RNF115: variants seen among roughly 807,000 people sequenced by gnomAD.
The protein encoded by RNF115 is E3 ubiquitin-protein ligase RNF115.
A neutral mutation model predicts 39.2 loss-of-function variants in RNF115; 31 were observed. The ratio of observed to expected loss-of-function variants is 0.79; its 90% CI spans 0.59 to 1.07. The LOEUF is 1.07. Among genes scored for constraint, RNF115 ranks in the 50% least tolerant of loss-of-function variants. The pLI, the probability that RNF115 is intolerant of heterozygous loss-of-function variation, is 0.00. For synonymous variants in RNF115, 124 were observed against 131.0 expected (o/e 0.95, Z 0.37); for missense variants, 384 against 381.7 (o/e 1.01, Z -0.05).
chr1:145,823,433 C>T (rs1341739161), intron 1 of RNF115, among the ~76,000 whole-genome samples: 1 of 143,920 alleles, frequency 6.9e-6, no homozygotes, highest in Non-Finnish European at 1.5e-5. Flanking sequence ...GGGGGGAGGT[C>T]ATCGTAGGAA....
At chr1:145,795,569 T>C (rs969004437) in intron 1 of RNF115, among the ~76,000 whole-genome samples, 10 of 152,112 alleles carry the variant, frequency 6.6e-5, no homozygotes, top group African/African-American at 9.7e-5. Context: ...ATGCTTTAGC[T>C]AGACACAAAA....
intron 4 of RNF115, among the ~76,000 whole-genome samples, chr1:145,762,920 C>T (rs1403914878): frequency 6.6e-6 from 1 of 152,068 alleles, no homozygotes; most frequent in Non-Finnish European, 1.5e-5. Flanking sequence ...ACAGAAATAC[C>T]ACATGTTCTC....
At chr1:145,819,988 A>G (rs1455724269) in intron 1 of RNF115, among the ~76,000 whole-genome samples, 1 of 149,688 alleles carries the variant, frequency 6.7e-6, no homozygotes, top group African/African-American at 2.4e-5. Flanking sequence ...CAGTGAGCTG[A>G]GCTCGTTCCA....
At chr1:145,794,047 A>G (rs1464928195) in intron 1 of RNF115, among the ~76,000 whole-genome samples, 2 of 151,880 alleles carry the variant, frequency 1.3e-5, no homozygotes, top group East Asian at 3.9e-4. Context: ...TTTCGCCACG[A>G]TGGCCAGGCT....
intron 1 of RNF115, among the ~76,000 whole-genome samples, chr1:145,813,497 CA>C (rs1188246136): frequency 1.6e-4 from 25 of 151,980 alleles, no homozygotes; most frequent in Non-Finnish European, 3.1e-4. Context: ...TCCCAACTGA[CA>C]AAAAAATGTG....
chr1:145,794,810 G>A (rs1648870469), intron 1 of RNF115, among the ~76,000 whole-genome samples: 1 of 151,818 alleles, frequency 6.6e-6, no homozygotes, highest in African/African-American at 2.4e-5. Context: ...AAAGTCAGGA[G>A]ATTGAGACTA....
At chr1:145,784,882 T>C (rs782446581) in intron 2 of RNF115, among the ~76,000 whole-genome samples, 1 of 152,150 alleles carries the variant, frequency 6.6e-6, no homozygotes, top group Non-Finnish European at 1.5e-5. Flanking sequence ...GCAATTCGGA[T>C]TTGACCTATC....
chr1:145,748,177 G>A, intron 7 of RNF115, 67 bp from the exon 8 acceptor site: 1 of 1,062,544 alleles, frequency 9.4e-7, no homozygotes, highest in African/African-American at 1.6e-5. Flanking sequence ...CTAACCCAAT[G>A]TCTCTACCAA....
chr1:145,793,295 T>C (rs1188672333), intron 1 of RNF115, among the ~76,000 whole-genome samples: 1 of 152,228 alleles, frequency 6.6e-6, no homozygotes, highest in Non-Finnish European at 1.5e-5. Flanking sequence ...GCAGTCTGGG[T>C]AACACAGCGA....
intron 4 of RNF115, among the ~76,000 whole-genome samples, chr1:145,754,147 GCTT>G (rs1190887607): frequency 3.9e-5 from 6 of 152,072 alleles, no homozygotes; most frequent in African/African-American, 1.4e-4. Flanking sequence ...TTGTTTGCTT[GCTT>G]TTTTGTATTA....
chr1:145,748,110 T>C lies in RNF115; in HGVS notation c.668A>G (p.Asp223Gly), dbSNP rs1553712023. The change falls in exon 8 of 9, where the codon GAT (aspartate) becomes GGT (glycine). Residue 223 changes from aspartate (D) to glycine (G), a missense_variant and splice_region_variant. By Grantham distance (94) the Asp-to-Gly change is moderately conservative. Coordinates refer to ENST00000582693, the MANE Select transcript of RNF115 (RefSeq NM_014455.4). ...GCATACTGGACACTCTAAACCCATA[T>C]CTGTTGAAGAAGGAAATGCCTTTTA... ...PTVTVTQEQVDMGLECPVCKE... is the reference protein window; with the variant it reads ...PTVTVTQEQVGMGLECPVCKE... The C allele has an allele frequency of 1.2e-6, 2 of 1,606,440 alleles. No individual in the cohort carries two copies. The highest frequency in any genetic ancestry group is 1.7e-6 in the Non-Finnish European group (2 of 1,173,368).
At chr1:145,803,799 A>T (rs1335934571) in intron 1 of RNF115, among the ~76,000 whole-genome samples, 1 of 152,262 alleles carries the variant, frequency 6.6e-6, no homozygotes, top group African/African-American at 2.4e-5. Flanking sequence ...GTACCAAGGC[A>T]GAAAATCAGG....
At chr1:145,779,823 T>C (rs147990086) in intron 3 of RNF115, among the ~76,000 whole-genome samples, 129,410 of 151,632 alleles carry the variant, frequency 0.85, 55,672 homozygotes, top group African/African-American at 0.96. Flanking sequence ...CCACCACACC[T>C]GGCTAATTTT....
At chr1:145,792,216 T>A (rs1648708102) in intron 1 of RNF115, among the ~76,000 whole-genome samples, 1 of 152,128 alleles carries the variant, frequency 6.6e-6, no homozygotes, top group South Asian at 2.1e-4. Context: ...CTGTGCCCAG[T>A]TCAACTATTT....
Position 145,823,893 on chromosome 1 carries a change from C to T in RNF115, c.-20G>A. 10 of 1,501,496 alleles carry T rather than the reference C, an allele frequency of 6.7e-6. No individual in the cohort carries two copies. Among genetic ancestry groups the T allele is most frequent in the Non-Finnish European group, 8.9e-6 (10 of 1,124,254 alleles). The allele number at this position is 1,501,496 out of a possible 1,614,324, so 93.0% of individuals were successfully genotyped here. ...CGCCATTTTTGCCCTCCGCCGCGGCCGTCCGAGAGGGCAGCCGGCCCGTCC... is the reference window on the plus strand; with the variant it reads ...CGCCATTTTTGCCCTCCGCCGCGGCTGTCCGAGAGGGCAGCCGGCCCGTCC... On this transcript the variant is annotated 5_prime_UTR_variant, in exon 1 of 9. Coordinates refer to ENST00000582693, the MANE Select transcript of RNF115 (RefSeq NM_014455.4).
Position 145,824,054 on chromosome 1 carries a change from C to T in RNF115, c.-181G>A. 2.1e-6 allele frequency: 1 copy of T among 487,524 alleles called. No homozygotes were observed. The highest frequency in any genetic ancestry group is 3.6e-6 in the Non-Finnish European group (1 of 280,610). 30.2% of individuals were successfully genotyped at this position (487,524 alleles called of 1,614,324 possible). On this transcript the variant is annotated 5_prime_UTR_variant, in exon 1 of 9. Transcript: ENST00000582693. ...CGCGGCGGCGCCAACAGCTACCCTG[C>T]GGCCCGCCTCCCAGCACCAAAGAGG...
intron 6 of RNF115, 137 bp from the exon 7 acceptor site, chr1:145,750,637 C>T: frequency 1.3e-5 from 8 of 639,782 alleles, no homozygotes; most frequent in Non-Finnish European, 2.1e-5. Flanking sequence ...CTCTGAGAGG[C>T]TTGGGTTTCC....
At chr1:145,812,195 T>A (rs1363189895) in intron 1 of RNF115, among the ~76,000 whole-genome samples, 1 of 149,156 alleles carries the variant, frequency 6.7e-6, no homozygotes, top group African/African-American at 2.4e-5. Flanking sequence ...AAATGAAACT[T>A]CTGGAAGATG....
intron 1 of RNF115, among the ~76,000 whole-genome samples, chr1:145,806,484 T>C (rs779357950): frequency 8.5e-5 from 13 of 152,234 alleles, no homozygotes; most frequent in Non-Finnish European, 1.8e-4. Context: ...TTCCTGAATA[T>C]AGCTGATATA....
Sources: allele counts gnomAD v4.1 joint callset (sites outside exome capture counted in the v4.1 genomes callset), GRCh38; gene constraint gnomAD v4.1.1; transcripts MANE v1.5; gene names NCBI Gene and HGNC (gene_info 2026-07-23, HGNC 2026-07-21).